Variants in CCDC39 observed in about 807,000 individuals in gnomAD.
The protein encoded by CCDC39 is coiled-coil domain-containing protein 39.
A neutral mutation model predicts 121.0 loss-of-function variants in CCDC39; 113 were observed. The ratio of observed to expected loss-of-function variants is 0.93; its 90% CI spans 0.80 to 1.09. CCDC39 has a LOEUF of 1.09. Ranked by LOEUF, CCDC39 falls within the 50% of genes least tolerant of loss-of-function variation. The pLI is 0.00. For synonymous variants in CCDC39, 349 were observed against 352.2 expected, an observed-to-expected ratio of 0.99 and a Z score of 0.10; for missense variants, 1,063 against 1,074.7, an observed-to-expected ratio of 0.99 and a Z score of 0.15.
rs1234356018 is a variant in CCDC39, at chr3:180,651,406, C to T, written c.1162G>A (p.Val388Met). 2 of 1,554,586 alleles carry T rather than the reference C, an allele frequency of 1.3e-6. No individual in the cohort carries two copies. Among genetic ancestry groups the T allele is most frequent in the Admixed American group, 2.0e-5 (1 of 51,082 alleles). The change falls in exon 9 of 20, where the codon GTG (valine) becomes ATG (methionine). Residue 388 changes from valine to methionine, a missense_variant. Coordinates refer to ENST00000476379, the MANE Select transcript of CCDC39 (RefSeq NM_181426.2). ...AAATTAAAACTAAACTTTACCTTCA[C>T]ATCTTTTTCCTCCTCCTTTAGCATA... The part of the protein sequence containing the change: ...EDMLKEEEKD[V>M]KEVDVQLNLI...
intron 13 of CCDC39, among the ~76,000 whole-genome samples, chr3:180,636,326 C>T (rs1717828292): frequency 1.3e-5 from 2 of 152,054 alleles, no homozygotes. Flanking sequence ...AAGCCAATAG[C>T]CAAATCAGGA....
chr3:180,654,935 G>C lies in CCDC39; in HGVS notation c.757C>G (p.Gln253Glu), dbSNP rs747179863. 4.5e-6 allele frequency: 7 copies of C among 1,565,554 alleles called. No homozygotes were observed. In the South Asian group the frequency reaches 8.7e-5, roughly 19 times the overall value. The stretch of plus-strand genomic sequence containing the variant: ...AAATTTTCTTTTTCTCTCGTTTCCT[G>C]CTTTATCCTTGCTAATTCCTAGGAT... ...NCALELARIKQETREKENLVK... is the reference protein window; with the variant it reads ...NCALELARIKEETREKENLVK... The change falls in exon 7 of 20, where the codon CAG (glutamine) becomes GAG (glutamate). Residue 253 changes from glutamine (Q) to glutamate (E), a missense_variant. Transcript: ENST00000476379.
In CCDC39 at chr3:180,614,029, A is replaced by G. The variant is rs937331025; in HGVS notation, c.*892T>C. On this transcript the variant is annotated 3_prime_UTR_variant, in exon 20 of 20. Coordinates refer to ENST00000476379, the MANE Select transcript of CCDC39 (RefSeq NM_181426.2). ...TTCGTGAATTCTAATACATTTATTT[A>G]AAATCCAGTTTTATAATATTCCACA... The G allele has an allele frequency of 9.0e-6, 3 of 333,218 alleles. No individual in the cohort carries two copies. Among genetic ancestry groups the G allele is most frequent in the Non-Finnish European group, 1.8e-5 (3 of 170,366 alleles). The allele number at this position is 333,218 out of a possible 1,614,324, so 20.6% of individuals were successfully genotyped here. A position where few individuals can be genotyped will look rare whatever the true frequency, so the allele number is the denominator to read the frequency against.
chr3:180,614,069 TA>T lies in CCDC39; in HGVS notation c.*851del. 1 of 279,538 alleles carries T rather than the reference TA, an allele frequency of 3.6e-6. No individual in the cohort carries two copies. Among genetic ancestry groups the T allele is most frequent in the Admixed American group, 4.9e-5 (1 of 20,338 alleles). The allele number at this position is 279,538 out of a possible 1,614,324, so 17.3% of individuals were successfully genotyped here. ...AATATTCCACACTCTATTCCAAGAGTACAAAGTGTTGGGCACATGTTATAAT... is the reference window on the plus strand; with the variant it reads ...AATATTCCACACTCTATTCCAAGAGTCAAAGTGTTGGGCACATGTTATAAT... On this transcript the variant is annotated 3_prime_UTR_variant, in exon 20 of 20. Coordinates refer to ENST00000476379, the MANE Select transcript of CCDC39 (RefSeq NM_181426.2).
intron 14 of CCDC39, among the ~76,000 whole-genome samples, chr3:180,624,220 CTAATA>C (rs1370760725): frequency 3.3e-5 from 5 of 152,192 alleles, no homozygotes; most frequent in Middle Eastern, 3.4e-3. Flanking sequence ...TCTCTTTTAT[CTAATA>C]TAAGTAAAGC....
chr3:180,638,021 C>T (rs1223452379), intron 13 of CCDC39, among the ~76,000 whole-genome samples: 1 of 151,968 alleles, frequency 6.6e-6, no homozygotes, highest in Middle Eastern at 3.2e-3. Flanking sequence ...ATAACAAACC[C>T]CCATGACACA....
chr3:180,651,183 C>A lies in CCDC39; in HGVS notation c.1167+218G>T, dbSNP rs11929666. Among the ~76,000 whole-genome samples the A allele has an allele frequency of 4.7e-3, 712 of 151,098 alleles. 4 individuals carry two copies. Among genetic ancestry groups the A allele is most frequent in the African/African-American group, 0.016 (668 of 40,914 alleles). On this transcript the variant is annotated intron_variant, in intron 9 of 19. Transcript: ENST00000476379. ...GCACTTTAGCCTGGGCAACAAGAGC[C>A]AGACTTCATCACAAAAAAAAAGAAA...
At chr3:180,647,534 C>T (rs907712595) in intron 10 of CCDC39, among the ~76,000 whole-genome samples, 4 of 152,016 alleles carry the variant, frequency 2.6e-5, no homozygotes, top group Non-Finnish European at 4.4e-5. Context: ...AGTAAATTCA[C>T]TGGATTTACA....
chr3:180,638,119 AG>A (rs1717874333), intron 13 of CCDC39, among the ~76,000 whole-genome samples: 1 of 152,148 alleles, frequency 6.6e-6, no homozygotes, highest in African/African-American at 2.4e-5. Context: ...GGAAGGGTCA[AG>A]CAAGAGAAAC....
intron 16 of CCDC39, among the ~76,000 whole-genome samples, chr3:180,617,177 C>T (rs1717277866): frequency 6.6e-6 from 1 of 151,976 alleles, no homozygotes; most frequent in South Asian, 2.1e-4. Context: ...CTGAAAAATT[C>T]CTGTTACCTA....
At chr3:180,657,647 G>T (rs1045291944) in intron 6 of CCDC39, among the ~76,000 whole-genome samples, 1 of 152,148 alleles carries the variant, frequency 6.6e-6, no homozygotes, top group Non-Finnish European at 1.5e-5. Flanking sequence ...TGCCTCAGCA[G>T]ATACTATAAC....
intron 1 of CCDC39, among the ~76,000 whole-genome samples, chr3:180,672,548 C>G (rs972983853): frequency 2.6e-5 from 4 of 152,182 alleles, no homozygotes; most frequent in Non-Finnish European, 5.9e-5. Context: ...GAGCCAAGAT[C>G]ACACCAGTGC....
chr3:180,656,156 A>C (rs923724565), intron 6 of CCDC39, among the ~76,000 whole-genome samples: 24 of 152,234 alleles, frequency 1.6e-4, no homozygotes, highest in African/African-American at 5.8e-4. Context: ...TCATTCACTC[A>C]AAAGACACGT....
chr3:180,664,473 T>C (rs1168590558), intron 1 of CCDC39, among the ~76,000 whole-genome samples: 1 of 152,198 alleles, frequency 6.6e-6, no homozygotes, highest in Non-Finnish European at 1.5e-5. Flanking sequence ...TTTCTTTAAA[T>C]GTCCACATGA....
intron 1 of CCDC39, among the ~76,000 whole-genome samples, chr3:180,668,182 A>T (rs1711938714): frequency 6.6e-6 from 1 of 152,144 alleles, no homozygotes; most frequent in Admixed American, 6.6e-5. Context: ...GTTCAAGACC[A>T]GTCTTGCAAA....
At position 180,619,875 on chromosome 3, in the gene CCDC39, G is replaced by A. The variant is rs1717385836; in HGVS notation, c.2094C>T (p.Thr698=). The A allele has an allele frequency of 1.2e-6, 2 of 1,608,996 alleles. No individual in the cohort carries two copies. The highest frequency in any genetic ancestry group is 2.7e-5 in the African/African-American group (2 of 74,244). Residue 698 remains threonine, a synonymous_variant, in exon 15 of 20, where the codon ACC becomes ACT. Coordinates refer to ENST00000476379, the MANE Select transcript of CCDC39 (RefSeq NM_181426.2). Reference sequence around the variant, plus strand: ...TGTTACAGCTGTTCAGCACTTGAAGGGTATTTTCTAGAGCGTAGATTTCTT... The same window carrying A: ...TGTTACAGCTGTTCAGCACTTGAAGAGTATTTTCTAGAGCGTAGATTTCTT... ...AEKEIYALEN[T]LQVLNSCNNN... is the part of the protein sequence containing the mutation.
intron 7 of CCDC39, among the ~76,000 whole-genome samples, chr3:180,654,244 A>AAAG (rs1711533002): frequency 7.4e-6 from 1 of 135,620 alleles, no homozygotes; most frequent in East Asian, 2.0e-4. Context: ...AAAAAAAAAG[A>AAAG]GAGAAAGAAA....
At chr3:180,625,196 T>C (rs1717528958) in intron 14 of CCDC39, among the ~76,000 whole-genome samples, 1 of 152,082 alleles carries the variant, frequency 6.6e-6, no homozygotes, top group African/African-American at 2.4e-5. Flanking sequence ...GTTCCAAACA[T>C]CTTGAAGGCC....
rs1390389500 is a variant in CCDC39 at position 180,647,179 on chromosome 3, T to C, written c.1427A>G (p.Glu476Gly). 4.3e-6 allele frequency: 7 copies of C among 1,612,144 alleles called. No homozygotes were observed. Among genetic ancestry groups the C allele is most frequent in the Non-Finnish European group, 5.9e-6 (7 of 1,179,108 alleles). The change falls in exon 11 of 20, where the codon GAA becomes GGA. Residue 476 changes from glutamate to glycine, a missense_variant. By Grantham distance (98) the Glu-to-Gly change is moderately conservative. Transcript: ENST00000476379. ...SRLKGEINSE[E>G]KQALEAKIVE... is the part of the protein sequence containing the mutation. ...AATTTTTGCTTCAAGCGCTTGTTTTTCTTCTGAATTAATTTCTCCCTTTAA... is the reference window on the plus strand; with the variant it reads ...AATTTTTGCTTCAAGCGCTTGTTTTCCTTCTGAATTAATTTCTCCCTTTAA...
Sources: allele counts gnomAD v4.1 joint callset (sites outside exome capture counted in the v4.1 genomes callset), GRCh38; gene constraint gnomAD v4.1.1; transcripts MANE v1.5; gene names NCBI Gene and HGNC (gene_info 2026-07-23, HGNC 2026-07-21).